Variants in SH3RF3 observed in about 807,000 individuals in gnomAD.
SH3RF3 encodes E3 ubiquitin-protein ligase SH3RF3.
A neutral mutation model predicts 66.3 loss-of-function variants in SH3RF3; 29 were observed. The observed-to-expected ratio is 0.44, with a 90% CI of 0.33 to 0.60. The LOEUF is 0.60. Ranked by LOEUF, SH3RF3 falls within the 20% of genes least tolerant of loss-of-function variation. The pLI is 0.04. For synonymous variants in SH3RF3, 583 were observed against 532.0 expected (o/e 1.10, Z -1.32); for missense variants, 1,194 against 1,190.9 (o/e 1.00, Z -0.04).
At chr2:109,211,933 G>A (rs1247612389) in intron 1 of SH3RF3, among the ~76,000 whole-genome samples, 1 of 152,184 alleles carries the variant, frequency 6.6e-6, no homozygotes, top group Admixed American at 6.5e-5. Context: ...GTGAGACACC[G>A]CACCCAGCCC....
chr2:109,161,519 G>A (rs1677489688), intron 1 of SH3RF3, among the ~76,000 whole-genome samples: 1 of 151,802 alleles, frequency 6.6e-6, no homozygotes, highest in Non-Finnish European at 1.5e-5. Context: ...TGTTTCCTGG[G>A]GAGGGGAACA....
chr2:109,256,394 C>T (rs922119454), intron 1 of SH3RF3, among the ~76,000 whole-genome samples: 15 of 152,258 alleles, frequency 9.9e-5, no homozygotes, highest in Non-Finnish European at 4.4e-5. Flanking sequence ...AGCGGCAATG[C>T]GATGTCCTCC....
intron 4 of SH3RF3, among the ~76,000 whole-genome samples, chr2:109,404,618 G>A (rs1189928040): frequency 6.6e-6 from 1 of 152,142 alleles, no homozygotes; most frequent in African/African-American, 2.4e-5. Flanking sequence ...CAGGGCCTGG[G>A]CAGGTGGGGT....
intron 8 of SH3RF3, among the ~76,000 whole-genome samples, chr2:109,463,920 A>C (rs1034141033): frequency 6.6e-6 from 1 of 152,130 alleles, no homozygotes; most frequent in African/African-American, 2.4e-5. Flanking sequence ...GAACATTTAG[A>C]GTCTTCTCTT....
chr2:109,449,794 T>C (rs1486025964), intron 8 of SH3RF3, among the ~76,000 whole-genome samples: 1 of 152,254 alleles, frequency 6.6e-6, no homozygotes, highest in Non-Finnish European at 1.5e-5. Context: ...AAAATCATTG[T>C]AATATACTCA....
At chr2:109,174,362 G>T (rs932465424) in intron 1 of SH3RF3, among the ~76,000 whole-genome samples, 1 of 152,218 alleles carries the variant, frequency 6.6e-6, no homozygotes, top group African/African-American at 2.4e-5. Flanking sequence ...CTGGGTTTTT[G>T]ACTTCCTTTC....
At position 109,436,922 on chromosome 2, in the gene SH3RF3, G is replaced by A. The variant is rs368939769; in HGVS notation, c.1604G>A (p.Arg535Gln). ...RVPAGGAGPP[R>Q]NNVVGGSPLA... ...CCTGCAGGAGGGGCAGGGCCGCCCC[G>A]GAATAATGTAGTCGGAGGGTCTCCA... Residue 535 changes from arginine to glutamine, a missense_variant, in exon 7 of 10, where the codon CGG becomes CAG. By Grantham distance (43) the Arg-to-Gln change is conservative (BLOSUM62 1). Transcript: ENST00000309415. 1.4e-4 allele frequency: 222 copies of A among 1,613,654 alleles called. No homozygotes were observed. Among genetic ancestry groups the A allele is most frequent in the Non-Finnish European group, 1.8e-4 (212 of 1,179,890 alleles).
rs143260268 is a variant in SH3RF3 at position 109,354,185 on chromosome 2, C to T, written c.849+6236C>T. Among the ~76,000 whole-genome samples, 293 of 152,340 alleles carry T rather than the reference C, an allele frequency of 1.9e-3. 2 individuals carry two copies. Among genetic ancestry groups the T allele is most frequent in the African/African-American group, 6.9e-3 (285 of 41,576 alleles). On this transcript the variant is annotated intron_variant, in intron 2 of 9. Coordinates refer to ENST00000309415, the MANE Select transcript of SH3RF3 (RefSeq NM_001099289.3). ...TTTTAATTTTCCCTTCTCCCTGCGA[C>T]ACAGAGTGGGTTGGGCCCTGTGTGT...
intron 8 of SH3RF3, among the ~76,000 whole-genome samples, chr2:109,487,090 G>A (rs192444408): frequency 1.3e-5 from 2 of 152,312 alleles, no homozygotes; most frequent in East Asian, 3.9e-4. Context: ...TCAGGAAAAC[G>A]TAACAGGGAT....
chr2:109,483,465 T>A (rs1678886159), intron 8 of SH3RF3, among the ~76,000 whole-genome samples: 1 of 152,152 alleles, frequency 6.6e-6, no homozygotes, highest in Non-Finnish European at 1.5e-5. Flanking sequence ...GAGCCAGGCC[T>A]CCCCGCAAGA....
chr2:109,392,532 C>T (rs542319052), intron 3 of SH3RF3, among the ~76,000 whole-genome samples: 6 of 151,756 alleles, frequency 4.0e-5, no homozygotes, highest in African/African-American at 7.3e-5. Context: ...TTTTTGGAGA[C>T]GGAGTCTCGC....
At chr2:109,400,390 A>G (rs753681370) in intron 4 of SH3RF3, among the ~76,000 whole-genome samples, 2 of 152,112 alleles carry the variant, frequency 1.3e-5, no homozygotes, top group Non-Finnish European at 2.9e-5. Context: ...ACATATACAC[A>G]TGCACGCACA....
intron 3 of SH3RF3, among the ~76,000 whole-genome samples, chr2:109,383,477 CTT>C (rs1407192307): frequency 6.6e-6 from 1 of 152,200 alleles, no homozygotes; most frequent in Non-Finnish European, 1.5e-5. Context: ...TCATTCTTCT[CTT>C]GTCTTCATGC....
intron 2 of SH3RF3, among the ~76,000 whole-genome samples, chr2:109,362,584 A>T (rs920871403): frequency 6.6e-6 from 1 of 152,094 alleles, no homozygotes; most frequent in Non-Finnish European, 1.5e-5. Flanking sequence ...TATCCAGTAG[A>T]TTGATGGTGC....
rs1210196109 is a variant in SH3RF3, at chr2:109,501,576, G to A, written c.2554G>A (p.Val852Met). 2 of 779,818 alleles carry A rather than the reference G, an allele frequency of 2.6e-6. No homozygotes were observed. Among genetic ancestry groups the A allele is most frequent in the South Asian group, 1.3e-5 (1 of 74,208 alleles). 48.3% of individuals were successfully genotyped at this position (779,818 alleles called of 1,614,324 possible). A position where few individuals can be genotyped will look rare whatever the true frequency, so the allele number is the denominator to read the frequency against. The change falls in exon 10 of 10, where the codon GTG (valine) becomes ATG (methionine). Residue 852 changes from valine to methionine, a missense_variant. Val to Met is a conservative substitution (Grantham distance 21). Transcript: ENST00000309415. ...GCTGAAGGAAGGCGACATCGTCTTTGTGCACAAGAAGCGTGAGGACGGCTG... is the reference window on the plus strand; with the variant it reads ...GCTGAAGGAAGGCGACATCGTCTTTATGCACAAGAAGCGTGAGGACGGCTG... ...IELKEGDIVF[V>M]HKKREDGWYK... is the part of the protein sequence containing the mutation.
In SH3RF3 at chr2:109,391,050, C is replaced by T. The variant is rs369051141; in HGVS notation, c.946-7540C>T. Among the ~76,000 whole-genome samples the T allele has an allele frequency of 5.3e-4, 80 of 152,314 alleles. No homozygotes were observed. In the Middle Eastern group the frequency reaches 0.01, roughly 19 times the overall value. On this transcript the variant is annotated intron_variant, in intron 3 of 9. Transcript: ENST00000309415. ...CTGCCTCTCATGGGACCAGCCTGCACCTGACAGGGACAGGGTTTTGTCCAG... is the reference window on the plus strand; with the variant it reads ...CTGCCTCTCATGGGACCAGCCTGCATCTGACAGGGACAGGGTTTTGTCCAG...
intron 8 of SH3RF3, among the ~76,000 whole-genome samples, chr2:109,455,517 T>C (rs1678027839): frequency 9.6e-6 from 1 of 104,236 alleles, no homozygotes; most frequent in Non-Finnish European, 2.2e-5. Context: ...ATATCTCATA[T>C]ATGTGTGTTA....
intron 1 of SH3RF3, among the ~76,000 whole-genome samples, chr2:109,152,264 G>A (rs533805713): frequency 9.9e-5 from 15 of 152,230 alleles, no homozygotes; most frequent in Non-Finnish European, 2.2e-4. Context: ...ATAATCACGG[G>A]AGGTGGGCAT....
chr2:109,364,719 T>C (rs1454666770), intron 2 of SH3RF3, among the ~76,000 whole-genome samples: 1 of 152,186 alleles, frequency 6.6e-6, no homozygotes, highest in Non-Finnish European at 1.5e-5. Flanking sequence ...CCCCCACTCC[T>C]CTGTAGGTGA....
Sources: allele counts gnomAD v4.1 joint callset (sites outside exome capture counted in the v4.1 genomes callset), GRCh38; gene constraint gnomAD v4.1.1; transcripts MANE v1.5; gene names NCBI Gene and HGNC (gene_info 2026-07-23, HGNC 2026-07-21).